CALD1: variants seen among roughly 807,000 people sequenced by gnomAD.
CALD1 encodes caldesmon 1.
Under a neutral mutation model 99.9 loss-of-function variants are expected in CALD1, and 33 were observed. The observed-to-expected ratio is 0.33, with a 90% CI of 0.25 to 0.44. CALD1 has a LOEUF of 0.44. Ranked by LOEUF, CALD1 falls within the 20% of genes least tolerant of loss-of-function variation. The probability of loss-of-function intolerance (pLI) is 1.00; values close to 1 mark genes in which losing one functional copy is unlikely to be tolerated. For synonymous variants in CALD1, 310 were observed against 325.0 expected (o/e 0.95, Z 0.50); for missense variants, 861 against 962.1 (o/e 0.89, Z 1.39).
In CALD1 at chr7:134,785,548, A is replaced by G. The variant is rs141813803; in HGVS notation, c.-130+5799A>G. ...GTTTCAGATCTAAGCAATATTTGCT[A>G]TGTAATTTTTAATCCATTGAGCACC... On this transcript the variant is annotated intron_variant, in intron 1 of 14. Coordinates refer to ENST00000361675, the MANE Select transcript of CALD1 (RefSeq NM_033138.4). Among the ~76,000 whole-genome samples, 158 of 152,348 alleles carry G rather than the reference A, an allele frequency of 1.0e-3. 2 individuals carry two copies. Among genetic ancestry groups the G allele is most frequent in the African/African-American group, 3.6e-3 (150 of 41,580 alleles).
At chr7:134,937,201 A>T (rs1806045681) in intron 6 of CALD1, among the ~76,000 whole-genome samples, 2 of 152,188 alleles carry the variant, frequency 1.3e-5, no homozygotes, top group South Asian at 4.1e-4. Flanking sequence ...TTACTGACCA[A>T]AGCTTTCTAT....
At chr7:134,784,977 T>A (rs1389370995) in intron 1 of CALD1, among the ~76,000 whole-genome samples, 1 of 152,258 alleles carries the variant, frequency 6.6e-6, no homozygotes, top group East Asian at 1.9e-4. Context: ...AATCCTTTAG[T>A]AGGAGGAGGA....
chr7:134,743,335 A>G (rs1585894237), upstream of CALD1, among the ~76,000 whole-genome samples: 1 of 152,360 alleles, frequency 6.6e-6, no homozygotes, highest in African/African-American at 2.4e-5. Context: ...AAGCAGTTCA[A>G]CTATGCACCA....
At chr7:134,941,377 T>C in intron 7 of CALD1, 140 bp downstream of exon 7, 1 of 645,620 alleles carries the variant, frequency 1.5e-6, no homozygotes, top group Non-Finnish European at 2.6e-6. Context: ...CATTAGCCAT[T>C]GTCTTAGAGA....
At chr7:134,813,645 T>G (rs1290533790) in intron 1 of CALD1, among the ~76,000 whole-genome samples, 2 of 152,168 alleles carry the variant, frequency 1.3e-5, no homozygotes, top group Admixed American at 1.3e-4. Flanking sequence ...AAGCAAATTC[T>G]TCAACTAAGA....
intron 1 of CALD1, among the ~76,000 whole-genome samples, chr7:134,837,344 CTTT>C (rs57250900): frequency 0.26 from 38,006 of 146,902 alleles, 5,189 homozygotes; most frequent in South Asian, 0.4. Context: ...TTTCGTTCTC[CTTT>C]TTTTTTTTTT....
At chr7:134,777,043 A>G (rs577029718), upstream of CALD1, among the ~76,000 whole-genome samples, 14 of 152,326 alleles carry the variant, frequency 9.2e-5, 1 homozygote, top group South Asian at 4.1e-4. Context: ...GAAATTTCCT[A>G]TATAAATCTC....
intron 1 of CALD1, among the ~76,000 whole-genome samples, chr7:134,773,375 A>T (rs1419643034): frequency 6.6e-6 from 1 of 151,716 alleles, no homozygotes; most frequent in Non-Finnish European, 1.5e-5. Flanking sequence ...CCTGGGCTTA[A>T]GCTATCCTCC....
the CALD1 span, among the ~76,000 whole-genome samples, chr7:134,735,683 A>T: frequency 6.6e-6 from 1 of 151,484 alleles, no homozygotes; most frequent in African/African-American, 2.4e-5. Flanking sequence ...GGTTTCTAGT[A>T]TTGCTCCTGG....
the CALD1 span, among the ~76,000 whole-genome samples, chr7:134,735,662 A>G: frequency 6.6e-6 from 1 of 151,104 alleles, no homozygotes; most frequent in Non-Finnish European, 1.5e-5. Flanking sequence ...TACTTATTCC[A>G]AGCACTATGA....
At chr7:134,774,525 C>T (rs997191290) in intron 1 of CALD1, among the ~76,000 whole-genome samples, 2 of 152,298 alleles carry the variant, frequency 1.3e-5, no homozygotes, top group Admixed American at 6.5e-5. Context: ...TTCAGTTTTC[C>T]GTCTGGTTGA....
chr7:134,806,746 C>T (rs989264268), intron 1 of CALD1, among the ~76,000 whole-genome samples: 3 of 151,998 alleles, frequency 2.0e-5, no homozygotes, highest in African/African-American at 4.8e-5. Context: ...AATCCTTCGC[C>T]AACAATTTTT....
At chr7:134,854,097 T>C (rs1240084120) in intron 2 of CALD1, among the ~76,000 whole-genome samples, 10 of 152,226 alleles carry the variant, frequency 6.6e-5, no homozygotes, top group Non-Finnish European at 4.4e-5. Flanking sequence ...ACATTTTTTT[T>C]AATCCAGTCT....
At chr7:134,863,204 G>A (rs4732062) in intron 2 of CALD1, among the ~76,000 whole-genome samples, 100,042 of 151,996 alleles carry the variant, frequency 0.66, 33,395 homozygotes, top group East Asian at 0.94. Context: ...GGAATATATG[G>A]AAACTCTGTA....
At chr7:134,790,371 A>T (rs1025590571) in intron 1 of CALD1, among the ~76,000 whole-genome samples, 1 of 152,116 alleles carries the variant, frequency 6.6e-6, no homozygotes, top group Non-Finnish European at 1.5e-5. Flanking sequence ...AAATCAAATA[A>T]CTTGCCCAAA....
rs779019979 is a variant in CALD1, at chr7:134,950,494, C to T, written c.1915C>T (p.Pro639Ser). ...DDKKPFKCFT[P>S]KGSSLKIEER... ...CAAGAAACCATTCAAGTGTTTCACT[C>T]CTAAAGGTTCATCTCTCAAGGTATT... The change falls in exon 9 of 15, where the codon CCT (proline) becomes TCT (serine). Residue 639 changes from proline (P) to serine (S), a missense_variant. Physicochemically the swap from Pro to Ser is moderately conservative, Grantham distance 74. Around this residue, in one of 5 missense-constraint regions of CALD1, gnomAD observed 190 missense variants for 249.0 expected, o/e 0.76. Coordinates refer to ENST00000361675, the MANE Select transcript of CALD1 (RefSeq NM_033138.4). 9 of 1,613,930 alleles carry T rather than the reference C, an allele frequency of 5.6e-6. No homozygotes were observed. The highest frequency in any genetic ancestry group is 6.8e-6 in the Non-Finnish European group (8 of 1,179,856).
intron 1 of CALD1, among the ~76,000 whole-genome samples, chr7:134,768,591 C>T (rs1489039023): frequency 6.6e-6 from 1 of 151,980 alleles, no homozygotes; most frequent in Non-Finnish European, 1.5e-5. Flanking sequence ...TGGCTTTTCC[C>T]GATGTCATAG....
chr7:134,847,148 A>G (rs1799884527), intron 2 of CALD1, among the ~76,000 whole-genome samples: 1 of 152,192 alleles, frequency 6.6e-6, no homozygotes, highest in East Asian at 1.9e-4. Context: ...TTGTTTTCGA[A>G]TGGGAGATTT....
At chr7:134,871,659 G>T (rs1341963142) in intron 3 of CALD1, among the ~76,000 whole-genome samples, 1 of 152,128 alleles carries the variant, frequency 6.6e-6, no homozygotes, top group Non-Finnish European at 1.5e-5. Context: ...AGACAGTGTG[G>T]GGGATGGGGT....
Sources: allele counts gnomAD v4.1 joint callset (sites outside exome capture counted in the v4.1 genomes callset), GRCh38; gene constraint gnomAD v4.1.1; regional missense constraint gnomAD v4.1.1; transcripts MANE v1.5; gene names NCBI Gene and HGNC (gene_info 2026-07-23, HGNC 2026-07-21).